Variants in SGCD observed in about 807,000 individuals in gnomAD.
SGCD encodes delta-sarcoglycan.
In SGCD, 18 loss-of-function variants were observed where a neutral mutation model predicts 36.6. The observed-to-expected ratio is 0.49, with a 90% confidence interval of 0.34 to 0.73. The LOEUF is 0.73. Ranked by LOEUF, SGCD falls within the 30% of genes least tolerant of loss-of-function variation. The pLI is 0.01. For synonymous variants in SGCD, 133 were observed against 130.6 expected, an observed-to-expected ratio of 1.02 and a Z score of -0.12; for missense variants, 387 against 346.7, an observed-to-expected ratio of 1.12 and a Z score of -0.92.
At chr5:156,462,437 T>G (rs1231242714) in intron 3 of SGCD, among the ~76,000 whole-genome samples, 1 of 152,184 alleles carries the variant, frequency 6.6e-6, no homozygotes, top group Non-Finnish European at 1.5e-5. Flanking sequence ...GTTTAATAAC[T>G]CTTACTTAAC....
chr5:156,439,838 CTTG>C (rs1352395014), intron 3 of SGCD, among the ~76,000 whole-genome samples: 1 of 152,062 alleles, frequency 6.6e-6, no homozygotes, highest in Non-Finnish European at 1.5e-5. Context: ...TAATGAATAT[CTTG>C]TTGTATCAGA....
intron 3 of SGCD, among the ~76,000 whole-genome samples, chr5:156,432,416 G>A (rs539407820): frequency 5.8e-4 from 88 of 152,358 alleles, no homozygotes; most frequent in Admixed American, 5.6e-3. Flanking sequence ...GGTGGCGTTT[G>A]CAAGACAGCA....
chr5:156,593,250 A>C (rs1760794105), intron 5 of SGCD, among the ~76,000 whole-genome samples: 1 of 152,176 alleles, frequency 6.6e-6, no homozygotes, highest in South Asian at 2.1e-4. Flanking sequence ...CAGTCTTGAC[A>C]AAGAGAAAAG....
intron 7 of SGCD, among the ~76,000 whole-genome samples, chr5:156,713,109 G>T (rs896873316): frequency 2.6e-5 from 4 of 152,018 alleles, no homozygotes; most frequent in African/African-American, 7.2e-5. Context: ...GGGTAGCCGG[G>T]CAGGTACAGG....
intron 4 of SGCD, among the ~76,000 whole-genome samples, chr5:156,551,138 C>A (rs1206557897): frequency 2.0e-5 from 3 of 152,168 alleles, no homozygotes; most frequent in Non-Finnish European, 4.4e-5. Flanking sequence ...TACCTCAAGA[C>A]CTTTGCACTT....
chr5:156,572,137 T>C (rs1233112705), intron 4 of SGCD, among the ~76,000 whole-genome samples: 1 of 152,234 alleles, frequency 6.6e-6, no homozygotes, highest in Non-Finnish European at 1.5e-5. Context: ...TTTTGCTTAT[T>C]CATTAATCTA....
chr5:156,719,436 G>A (rs1302598211), intron 7 of SGCD, among the ~76,000 whole-genome samples: 1 of 151,822 alleles, frequency 6.6e-6, no homozygotes, highest in Non-Finnish European at 1.5e-5. Flanking sequence ...CTAGAATAAT[G>A]TTTGACCAAA....
At chr5:155,808,401 C>G in the SGCD span, among the ~76,000 whole-genome samples, 1 of 152,094 alleles carries the variant, frequency 6.6e-6, no homozygotes, top group African/African-American at 2.4e-5. Context: ...AATTTTGCAC[C>G]CACCCTTGTT....
intron 3 of SGCD, among the ~76,000 whole-genome samples, chr5:156,263,560 T>A (rs1031342932): frequency 1.3e-5 from 2 of 152,338 alleles, no homozygotes; most frequent in East Asian, 3.9e-4. Flanking sequence ...TTTATTTTGC[T>A]GATTGTTTCT....
chr5:155,762,061 A>G, the SGCD span, among the ~76,000 whole-genome samples: 3 of 152,192 alleles, frequency 2.0e-5, no homozygotes, highest in Non-Finnish European at 4.4e-5. Context: ...AAAAGTCCCA[A>G]TTGCCACTAA....
chr5:156,104,253 T>C (rs964813987), intron 1 of SGCD, among the ~76,000 whole-genome samples: 7 of 152,186 alleles, frequency 4.6e-5, no homozygotes, highest in African/African-American at 7.2e-5. Context: ...GTTAATTCCA[T>C]GGGAATTCTT....
Position 156,757,625 on chromosome 5 carries a change from G to T in SGCD, c.620G>T (p.Gly207Val). 3 of 1,611,832 alleles carry T rather than the reference G, an allele frequency of 1.9e-6. No individual in the cohort carries two copies. The highest frequency in any genetic ancestry group is 2.5e-6 in the Non-Finnish European group (3 of 1,179,006). The change falls in exon 8 of 9, where the codon GGA becomes GTA. Residue 207 changes from glycine to valine, a missense_variant. Transcript: ENST00000337851. ...TCTCTAGTGATGGAGGCCCCAAAAG[G>T]AGTGGAAATCAATGCAGAAGCTGGC... ...TRSLVMEAPKGVEINAEAGNM... is the reference protein window; with the variant it reads ...TRSLVMEAPKVVEINAEAGNM...
intron 6 of SGCD, among the ~76,000 whole-genome samples, chr5:156,613,753 G>C (rs1761918559): frequency 6.6e-6 from 1 of 152,164 alleles, no homozygotes; most frequent in Admixed American, 6.5e-5. Flanking sequence ...GACAATGATA[G>C]CAAAATCATT....
chr5:156,443,023 C>T (rs1014110315), intron 3 of SGCD, among the ~76,000 whole-genome samples: 1 of 152,152 alleles, frequency 6.6e-6, no homozygotes, highest in African/African-American at 2.4e-5. Context: ...GAGTCTCTGT[C>T]ACCCAGGCTG....
intron 4 of SGCD, among the ~76,000 whole-genome samples, chr5:156,537,503 A>G (rs1758169265): frequency 6.8e-6 from 1 of 147,304 alleles, no homozygotes; most frequent in African/African-American, 2.5e-5. Flanking sequence ...ACACACACAC[A>G]CACAGGTATA....
At chr5:155,765,278 G>A in the SGCD span, among the ~76,000 whole-genome samples, 14 of 149,076 alleles carry the variant, frequency 9.4e-5, no homozygotes, top group African/African-American at 3.2e-4. Context: ...AGACCCTGTC[G>A]AAAGAAAGAA....
chr5:155,822,854 G>T, the SGCD span, among the ~76,000 whole-genome samples: 2 of 152,140 alleles, frequency 1.3e-5, no homozygotes, highest in Non-Finnish European at 2.9e-5. Flanking sequence ...TTATAGAATA[G>T]TGCTTGCCTC....
upstream of SGCD, chr5:156,326,640 T>C (rs1447739715): frequency 6.6e-6 from 1 of 151,582 alleles, no homozygotes; most frequent in Non-Finnish European, 1.5e-5. Flanking sequence ...AATTTACATC[T>C]CTCAGCTGTA....
intron 3 of SGCD, among the ~76,000 whole-genome samples, chr5:156,178,220 A>G (rs1018686176): frequency 2.0e-5 from 3 of 152,194 alleles, no homozygotes; most frequent in African/African-American, 7.2e-5. Flanking sequence ...GAAAAAAAAA[A>G]TCATAAGTTG....
Sources: gnomAD v4.1 joint callset for allele counts (sites outside exome capture counted in the v4.1 genomes callset) on GRCh38, gnomAD v4.1.1 for gene constraint, MANE v1.5 for transcripts, NCBI Gene and HGNC (gene_info 2026-07-23, HGNC 2026-07-21) for gene names.